The following ALCAM variants were observed in gnomAD, a reference collection of about 807,000 sequenced individuals.
ALCAM encodes the protein activated leukocyte cell adhesion molecule, also known as CD166 antigen.
Under a neutral mutation model 70.9 loss-of-function variants are expected in ALCAM, and 30 were observed. The observed-to-expected ratio is 0.42, with a 90% CI of 0.32 to 0.57. The LOEUF is 0.57. ALCAM is among the 20% of genes least tolerant of loss of function. The probability of loss-of-function intolerance (pLI) is 0.11; values close to 1 mark genes in which losing one functional copy is unlikely to be tolerated. For missense variants in ALCAM, 591 were observed against 695.1 expected, an observed-to-expected ratio of 0.85 and a Z score of 1.68; for synonymous variants, 249 against 242.5, an observed-to-expected ratio of 1.03 and a Z score of -0.25.
At chr3:105,380,255 T>C (rs188005121) in intron 1 of ALCAM, among the ~76,000 whole-genome samples, 1 of 151,986 alleles carries the variant, frequency 6.6e-6, no homozygotes, top group Admixed American at 6.6e-5. Flanking sequence ...TATTATTACT[T>C]TACCTTTTAA....
intron 1 of ALCAM, among the ~76,000 whole-genome samples, chr3:105,409,030 C>A (rs969040048): frequency 1.3e-5 from 2 of 151,696 alleles, no homozygotes; most frequent in African/African-American, 2.4e-5. Context: ...TGACCATAAT[C>A]AAAAAATTAA....
At chr3:105,409,672 C>G (rs969721893) in intron 1 of ALCAM, among the ~76,000 whole-genome samples, 3 of 151,660 alleles carry the variant, frequency 2.0e-5, no homozygotes, top group Non-Finnish European at 2.9e-5. Flanking sequence ...ACTCATGTAA[C>G]CAAACACCAC....
intron 1 of ALCAM, among the ~76,000 whole-genome samples, chr3:105,401,710 C>T (rs1211745401): frequency 6.6e-5 from 10 of 151,958 alleles, no homozygotes; most frequent in East Asian, 1.9e-4. Context: ...AGTTGCCACC[C>T]CCATAGTATA....
At chr3:105,454,438 C>G (rs1234600640) in intron 1 of ALCAM, among the ~76,000 whole-genome samples, 1 of 152,056 alleles carries the variant, frequency 6.6e-6, no homozygotes, top group Non-Finnish European at 1.5e-5. Context: ...AATATTATCT[C>G]TCCCCATCTC....
chr3:105,531,754 A>G (rs1302978322), intron 3 of ALCAM, among the ~76,000 whole-genome samples: 3 of 152,172 alleles, frequency 2.0e-5, no homozygotes, highest in African/African-American at 7.2e-5. Context: ...TTTATAAAGC[A>G]TTCAGAAAGC....
Position 105,437,656 on chromosome 3 carries a change from G to C in ALCAM, c.73+70175G>C, listed in dbSNP as rs555957210. On this transcript the variant is annotated intron_variant, in intron 1 of 15. Transcript: ENST00000306107. Reference sequence around the variant, plus strand: ...CATATATCATCTTTCTAGGATAATAGCTTCTTCCTCTGATTGTACATTTTT... The same window carrying C: ...CATATATCATCTTTCTAGGATAATACCTTCTTCCTCTGATTGTACATTTTT... Among the ~76,000 whole-genome samples the C allele has an allele frequency of 6.6e-5, 10 of 152,080 alleles. No individual in the cohort carries two copies. The East Asian group carries it at 1.9e-3, about 29-fold the overall frequency.
At chr3:105,505,729 A>G (rs1939055380) in intron 1 of ALCAM, among the ~76,000 whole-genome samples, 1 of 152,228 alleles carries the variant, frequency 6.6e-6, no homozygotes, top group African/African-American at 2.4e-5. Context: ...CAGATCAGTA[A>G]TAAATAACTT....
rs1022601065 is a variant in ALCAM at position 105,552,173 on chromosome 3, G to A, written c.1537G>A (p.Glu513Lys). ...ISIPEHDEAD[E>K]ISDENREKVN... ...TATTCCAGAACACGATGAGGCAGAC[G>A]AGATAAGTGGTAGGTACTATGCTGC... Residue 513 changes from glutamate to lysine, a missense_variant, in exon 13 of 16, where the codon GAG (glutamate) becomes AAG (lysine). This residue lies in a region of ALCAM where 164 missense variants were observed against 244.7 expected (regional missense o/e 0.67). Coordinates refer to ENST00000306107, the MANE Select transcript of ALCAM (RefSeq NM_001627.4). The A allele has an allele frequency of 4.4e-6, 7 of 1,603,274 alleles. No homozygotes were observed. Among genetic ancestry groups the A allele is most frequent in the Middle Eastern group, 1.7e-4 (1 of 6,020 alleles).
At chr3:105,533,759 A>T in intron 5 of ALCAM, 69 bp downstream of exon 5, 1 of 1,469,224 alleles carries the variant, frequency 6.8e-7, no homozygotes, top group East Asian at 2.3e-5. Context: ...TGTTCTAGGT[A>T]TTCTTTAAAC....
chr3:105,532,176 A>G, intron 4 of ALCAM, 110 bp downstream of exon 4: 1 of 896,920 alleles, frequency 1.1e-6, no homozygotes, highest in Non-Finnish European at 1.8e-6. Flanking sequence ...TGGAGATGAC[A>G]GTGTTGCAGC....
intron 1 of ALCAM, among the ~76,000 whole-genome samples, chr3:105,443,197 AC>A (rs1937216648): frequency 6.6e-6 from 1 of 152,216 alleles, no homozygotes; most frequent in South Asian, 2.1e-4. Context: ...TATGTGTATT[AC>A]TTGGAAAATG....
intron 1 of ALCAM, among the ~76,000 whole-genome samples, chr3:105,452,806 C>T (rs931808240): frequency 6.6e-6 from 1 of 152,174 alleles, no homozygotes; most frequent in Non-Finnish European, 1.5e-5. Flanking sequence ...TTTTGATTTG[C>T]ATTTCTCTAA....
At chr3:105,391,439 T>C (rs527436259) in intron 1 of ALCAM, among the ~76,000 whole-genome samples, 1 of 152,226 alleles carries the variant, frequency 6.6e-6, no homozygotes, top group South Asian at 2.1e-4. Context: ...TTTTTGTACA[T>C]TGATTTTGTA....
intron 1 of ALCAM, among the ~76,000 whole-genome samples, chr3:105,449,662 C>G (rs1937379633): frequency 6.6e-6 from 1 of 152,142 alleles, no homozygotes; most frequent in African/African-American, 2.4e-5. Flanking sequence ...TTTCAAATGA[C>G]AAAATCCAGG....
chr3:105,559,355 C>T (rs1940585468), intron 14 of ALCAM, among the ~76,000 whole-genome samples: 1 of 148,348 alleles, frequency 6.7e-6, no homozygotes, highest in Admixed American at 6.7e-5. Context: ...ATACCATAAA[C>T]GGGGTGGCTT....
At chr3:105,388,801 A>T (rs1213514333) in intron 1 of ALCAM, among the ~76,000 whole-genome samples, 1 of 151,598 alleles carries the variant, frequency 6.6e-6, no homozygotes, top group Non-Finnish European at 1.5e-5. Flanking sequence ...AAATGGTCCT[A>T]ATCACACCCT....
chr3:105,504,304 T>C (rs894960693), intron 1 of ALCAM, among the ~76,000 whole-genome samples: 2 of 152,190 alleles, frequency 1.3e-5, no homozygotes, highest in Admixed American at 6.5e-5. Context: ...CGGCTTGTGT[T>C]AACCAGCTTA....
At chr3:105,431,142 CAAA>C (rs111778942) in intron 1 of ALCAM, among the ~76,000 whole-genome samples, 2 of 117,880 alleles carry the variant, frequency 1.7e-5, no homozygotes, top group Admixed American at 8.7e-5. Context: ...TCCTTCGAAA[CAAA>C]AAAAAAAAAA....
In ALCAM at chr3:105,528,753, G is replaced by A. The variant is rs183181131; in HGVS notation, c.395-3249G>A. On this transcript the variant is annotated intron_variant, in intron 3 of 15. Coordinates refer to ENST00000306107, the MANE Select transcript of ALCAM (RefSeq NM_001627.4). ...AGAGGGAGGAGGGTAGGAAGAGGGA[G>A]AGAATCAGGAAAAATAACTAATAGG... 1.2e-3 allele frequency among the ~76,000 whole-genome samples: 188 copies of A among 152,250 alleles called. 1 individual carries two copies. In the Middle Eastern group the frequency reaches 0.02, roughly 17 times the overall value.
Sources: gnomAD v4.1 joint callset for allele counts (sites outside exome capture counted in the v4.1 genomes callset) on GRCh38, gnomAD v4.1.1 for gene constraint, gnomAD v4.1.1 regional missense constraint, MANE v1.5 for transcripts, NCBI Gene and HGNC (gene_info 2026-07-23, HGNC 2026-07-21) for gene names.